Variants in FAR2 observed in about 807,000 individuals in gnomAD.
The protein encoded by FAR2 is epididymis secretory protein Li 81.
In FAR2, 19 loss-of-function variants were observed where a neutral mutation model predicts 56.0. That is an observed-to-expected ratio of 0.34 (90% CI 0.24 to 0.50). The LOEUF is 0.50. FAR2 is among the 20% of genes least tolerant of loss of function. The probability of loss-of-function intolerance (pLI) is 0.98; values close to 1 mark genes in which losing one functional copy is unlikely to be tolerated. For synonymous variants in FAR2, 219 were observed against 218.8 expected, an observed-to-expected ratio of 1.00 and a Z score of -0.01; for missense variants, 508 against 642.2, an observed-to-expected ratio of 0.79 and a Z score of 2.26.
At chr12:29,297,366 G>GTTTT (rs1949088633) in intron 4 of FAR2, among the ~76,000 whole-genome samples, 166 bp downstream of exon 4, 1 of 152,154 alleles carries the variant, frequency 6.6e-6, no homozygotes, top group Non-Finnish European at 1.5e-5. Flanking sequence ...TTCTGGTGGG[G>GTTTT]AATATACTGC....
chr12:29,248,375 C>T (rs1173796348), intron 1 of FAR2, among the ~76,000 whole-genome samples: 7 of 152,094 alleles, frequency 4.6e-5, no homozygotes, highest in Non-Finnish European at 1.0e-4. Context: ...CCAGGGGAGA[C>T]ATCACATGTC....
At position 29,307,823 on chromosome 12, in the gene FAR2, G is replaced by C; in HGVS notation, c.711G>C (p.Gln237His). Residue 237 changes from glutamine to histidine, a missense_variant, in exon 5 of 12, where the codon CAG becomes CAC. Physicochemically the swap from Gln to His is conservative, Grantham distance 24. Transcript: ENST00000536681. The part of the protein sequence containing the change: ...IRPSIVGATW[Q>H]EPFPGWVDNI... Reference sequence around the variant, plus strand: ...CCTCCATTGTGGGAGCAACTTGGCAGGAGCCTTTCCCAGTAAGCCCACTTA... The same window carrying C: ...CCTCCATTGTGGGAGCAACTTGGCACGAGCCTTTCCCAGTAAGCCCACTTA... The C allele has an allele frequency of 6.2e-7, 1 of 1,610,360 alleles. No homozygotes were observed. Among genetic ancestry groups the C allele is most frequent in the Non-Finnish European group, 8.5e-7 (1 of 1,179,306 alleles).
At chr12:29,172,737 A>C (rs1949899900) in intron 1 of FAR2, among the ~76,000 whole-genome samples, 1 of 152,120 alleles carries the variant, frequency 6.6e-6, no homozygotes, top group Non-Finnish European at 1.5e-5. Flanking sequence ...ATATTTTCTT[A>C]AGGCCTCCCG....
At chr12:29,174,115 C>T (rs1949913449) in intron 1 of FAR2, among the ~76,000 whole-genome samples, 1 of 152,144 alleles carries the variant, frequency 6.6e-6, no homozygotes, top group Non-Finnish European at 1.5e-5. Context: ...GGGAAGTGAT[C>T]TCCAGGGTTG....
intron 1 of FAR2, among the ~76,000 whole-genome samples, chr12:29,241,999 T>C (rs1194131554): frequency 6.6e-6 from 1 of 152,202 alleles, no homozygotes; most frequent in Non-Finnish European, 1.5e-5. Context: ...GTGGGAGCAA[T>C]GTGGGCTTCT....
intron 2 of FAR2, among the ~76,000 whole-genome samples, chr12:29,275,951 C>A (rs1258358044): frequency 1.3e-5 from 2 of 152,158 alleles, no homozygotes; most frequent in Non-Finnish European, 2.9e-5. Context: ...AACAGTGGTT[C>A]TCAAAGTGTG....
intron 1 of FAR2, chr12:29,223,907 C>G (rs1591865549): frequency 6.6e-6 from 1 of 152,164 alleles, no homozygotes. Flanking sequence ...AAGAGAAAAC[C>G]AAGCAACAAA....
chr12:29,292,112 G>A (rs1195103420), intron 2 of FAR2: 6 of 152,108 alleles, frequency 3.9e-5, no homozygotes, highest in African/African-American at 9.7e-5. Context: ...GCTGTTCAAC[G>A]TTGCACAGGT....
rs113212333 is a variant in FAR2 at position 29,203,844 on chromosome 12, A to G, written c.-39+54437A>G. ...GAAACCCCGTCTCTACTAAAAATAC[A>G]AAAAAATTAGCCGGGCGTGGTGGCG... is the stretch of plus-strand genomic sequence containing the variant. On this transcript the variant is annotated intron_variant, in intron 1 of 11. Transcript: ENST00000536681. Among the ~76,000 whole-genome samples, 466 of 151,688 alleles carry G rather than the reference A, an allele frequency of 3.1e-3. 6 individuals carry two copies. The highest frequency in any genetic ancestry group is 0.011 in the African/African-American group (446 of 41,398).
At chr12:29,153,231 A>G (rs958375326) in intron 1 of FAR2, among the ~76,000 whole-genome samples, 4 of 152,210 alleles carry the variant, frequency 2.6e-5, no homozygotes, top group African/African-American at 9.6e-5. Flanking sequence ...ATGCTGTAAG[A>G]AAAAAATCAG....
At chr12:29,225,034 G>C (rs1947742410) in intron 1 of FAR2, among the ~76,000 whole-genome samples, 1 of 152,168 alleles carries the variant, frequency 6.6e-6, no homozygotes, top group African/African-American at 2.4e-5. Context: ...CCACAAGTTT[G>C]AGACCAGCCT....
At chr12:29,307,144 C>T (rs1949265377) in intron 4 of FAR2, among the ~76,000 whole-genome samples, 1 of 152,150 alleles carries the variant, frequency 6.6e-6, no homozygotes, top group African/African-American at 2.4e-5. Context: ...ATGCAGCACA[C>T]TACTGGGAGA....
chr12:29,247,111 G>A (rs987155900), intron 1 of FAR2, among the ~76,000 whole-genome samples: 1 of 152,038 alleles, frequency 6.6e-6, no homozygotes, highest in Non-Finnish European at 1.5e-5. Context: ...CACAGGTTAC[G>A]ATCAGTAACT....
At chr12:29,234,453 G>A (rs1392830311) in intron 1 of FAR2, among the ~76,000 whole-genome samples, 2 of 152,096 alleles carry the variant, frequency 1.3e-5, no homozygotes, top group East Asian at 3.9e-4. Context: ...TTAAATTTCT[G>A]TCCCTTCTTT....
chr12:29,228,733 GC>G (rs1240457846), intron 1 of FAR2, among the ~76,000 whole-genome samples: 2 of 152,124 alleles, frequency 1.3e-5, no homozygotes, highest in Non-Finnish European at 1.5e-5. Flanking sequence ...GACCACAGGT[GC>G]CCGCCACCAT....
At chr12:29,332,790 C>T in intron 11 of FAR2, 63 bp downstream of exon 11, 1 of 1,459,618 alleles carries the variant, frequency 6.9e-7, no homozygotes, top group Non-Finnish European at 9.4e-7. Flanking sequence ...TTATACCAGA[C>T]ATAACATTTG....
At chr12:29,235,140 C>T (rs1469273727) in intron 1 of FAR2, among the ~76,000 whole-genome samples, 3 of 152,158 alleles carry the variant, frequency 2.0e-5, no homozygotes, top group African/African-American at 4.8e-5. Context: ...TATTCACTAT[C>T]ACCCCTTGCT....
intron 2 of FAR2, among the ~76,000 whole-genome samples, chr12:29,276,992 T>G (rs1017695821): frequency 6.6e-6 from 1 of 152,148 alleles, no homozygotes; most frequent in Non-Finnish European, 1.5e-5. Context: ...TTTATTTATT[T>G]TGAGACGGAG....
intron 1 of FAR2, among the ~76,000 whole-genome samples, chr12:29,236,292 C>T (rs911455651): frequency 2.0e-5 from 3 of 152,098 alleles, no homozygotes; most frequent in Admixed American, 6.5e-5. Flanking sequence ...CTTTAATATT[C>T]GGCAAGAATT....
Sources: gnomAD v4.1 joint callset for allele counts (sites outside exome capture counted in the v4.1 genomes callset) on GRCh38, gnomAD v4.1.1 for gene constraint, MANE v1.5 for transcripts, NCBI Gene and HGNC (gene_info 2026-07-23, HGNC 2026-07-21) for gene names.